Variants in SPOCK1 observed in about 807,000 individuals in gnomAD.
SPOCK1 encodes SPARC (osteonectin), cwcv and kazal like domains proteoglycan 1, also known as testican-1.
In SPOCK1, 23 loss-of-function variants were observed where a neutral mutation model predicts 55.3. That is an observed-to-expected ratio of 0.42 (90% CI 0.30 to 0.59). The LOEUF is 0.59. SPOCK1 is among the 20% of genes least tolerant of loss of function. The pLI is 0.22. For synonymous variants in SPOCK1, 226 were observed against 221.0 expected (o/e 1.02, Z -0.20); for missense variants, 499 against 552.5 (o/e 0.90, Z 0.97).
chr5:137,124,600 T>A (rs1241599648), intron 4 of SPOCK1, among the ~76,000 whole-genome samples: 1 of 152,164 alleles, frequency 6.6e-6, no homozygotes, highest in Non-Finnish European at 1.5e-5. Flanking sequence ...TGAAGAGCCA[T>A]GCAGGCCCTC....
At chr5:137,271,627 C>T (rs1756966010) in intron 2 of SPOCK1, among the ~76,000 whole-genome samples, 1 of 152,048 alleles carries the variant, frequency 6.6e-6, no homozygotes, top group Non-Finnish European at 1.5e-5. Flanking sequence ...ATACCATAGC[C>T]CCAAAATGAC....
chr5:137,138,504 T>TACATAC (rs139399436), intron 4 of SPOCK1, among the ~76,000 whole-genome samples: 1 of 147,606 alleles, frequency 6.8e-6, no homozygotes, highest in Non-Finnish European at 1.5e-5. Context: ...CACACAAACA[T>TACATAC]ACACACACAC....
At chr5:137,097,428 G>A (rs912426073) in intron 5 of SPOCK1, among the ~76,000 whole-genome samples, 1 of 152,154 alleles carries the variant, frequency 6.6e-6, no homozygotes, top group Non-Finnish European at 1.5e-5. Context: ...TTAGAAATTC[G>A]AGCAAAGCCT....
intron 3 of SPOCK1, among the ~76,000 whole-genome samples, chr5:137,264,249 T>C (rs1490823984): frequency 6.6e-6 from 1 of 152,196 alleles, no homozygotes; most frequent in Non-Finnish European, 1.5e-5. Flanking sequence ...TTCCTAATTA[T>C]AGCTGTTGTC....
chr5:137,010,142 T>G (rs1452583627), intron 6 of SPOCK1, among the ~76,000 whole-genome samples: 1 of 151,822 alleles, frequency 6.6e-6, no homozygotes, highest in Non-Finnish European at 1.5e-5. Context: ...TTTTGGACTC[T>G]GAGGTCAGAT....
intron 3 of SPOCK1, among the ~76,000 whole-genome samples, chr5:137,206,765 T>C (rs1021256431): frequency 1.3e-5 from 2 of 152,232 alleles, no homozygotes; most frequent in Non-Finnish European, 2.9e-5. Context: ...TTATTAAGCA[T>C]TATCTATGTT....
At chr5:137,209,184 G>A (rs1755567700) in intron 3 of SPOCK1, among the ~76,000 whole-genome samples, 1 of 152,130 alleles carries the variant, frequency 6.6e-6, no homozygotes, top group Non-Finnish European at 1.5e-5. Context: ...CTTGAATGTG[G>A]CAGCAACAAT....
At chr5:137,407,542 GC>G (rs529635528) in intron 2 of SPOCK1, among the ~76,000 whole-genome samples, 62 of 152,176 alleles carry the variant, frequency 4.1e-4, no homozygotes, top group African/African-American at 1.5e-3. Context: ...CTTAAATCCT[GC>G]CTGAGCCCAT....
intron 2 of SPOCK1, among the ~76,000 whole-genome samples, chr5:137,309,923 A>G (rs1039634318): frequency 1.3e-5 from 2 of 152,206 alleles, no homozygotes; most frequent in East Asian, 1.9e-4. Context: ...CATTCTATAA[A>G]TAGTTGTTAC....
intron 2 of SPOCK1, among the ~76,000 whole-genome samples, chr5:137,452,332 T>C (rs1257852896): frequency 6.6e-6 from 1 of 152,216 alleles, no homozygotes; most frequent in East Asian, 1.9e-4. Context: ...GGCTTGTTGC[T>C]GTACATACTA....
At chr5:137,177,400 AAACAGCCCTTGGC>A (rs1754875687) in intron 3 of SPOCK1, among the ~76,000 whole-genome samples, 1 of 152,122 alleles carries the variant, frequency 6.6e-6, no homozygotes, top group Non-Finnish European at 1.5e-5. Flanking sequence ...TTCACTTAGA[AAACAGCCCTTGGC>A]AACAGCTGGG....
chr5:137,144,859 C>T (rs551533457), intron 3 of SPOCK1, among the ~76,000 whole-genome samples: 1 of 152,304 alleles, frequency 6.6e-6, no homozygotes, highest in East Asian at 1.9e-4. Context: ...TTCAAAGTTT[C>T]CTTGTCATGG....
chr5:137,058,753 T>A (rs1453028758), intron 6 of SPOCK1, among the ~76,000 whole-genome samples: 1 of 152,148 alleles, frequency 6.6e-6, no homozygotes, highest in Non-Finnish European at 1.5e-5. Context: ...AAAGAGGTGG[T>A]TGACGGAGTG....
intron 3 of SPOCK1, among the ~76,000 whole-genome samples, chr5:137,198,924 G>C (rs932387420): frequency 2.6e-5 from 4 of 152,148 alleles, no homozygotes; most frequent in Non-Finnish European, 5.9e-5. Context: ...CTACGTTAAA[G>C]CATTTGCAAA....
chr5:137,149,232 G>A (rs918959328), intron 3 of SPOCK1, among the ~76,000 whole-genome samples: 1 of 152,198 alleles, frequency 6.6e-6, no homozygotes, highest in African/African-American at 2.4e-5. Flanking sequence ...ATGGGGAGAT[G>A]CATGAAGCCC....
chr5:137,158,428 T>G (rs1242744387), intron 3 of SPOCK1, among the ~76,000 whole-genome samples: 1 of 152,220 alleles, frequency 6.6e-6, no homozygotes, highest in Non-Finnish European at 1.5e-5. Flanking sequence ...CTTGGCAATA[T>G]AGCCTCACAC....
At chr5:137,491,584 G>C (rs902909654) in intron 2 of SPOCK1, among the ~76,000 whole-genome samples, 2 of 152,122 alleles carry the variant, frequency 1.3e-5, no homozygotes, top group African/African-American at 4.8e-5. Context: ...ATATACAATG[G>C]TGTATCTTAA....
chr5:137,072,822 G>C (rs1446538501), intron 5 of SPOCK1, among the ~76,000 whole-genome samples: 2 of 152,186 alleles, frequency 1.3e-5, no homozygotes, highest in Non-Finnish European at 2.9e-5. Flanking sequence ...ACTGTTGACA[G>C]TTCACAGTTG....
chr5:137,478,855 AG>A (rs1243873135), intron 2 of SPOCK1, among the ~76,000 whole-genome samples: 1 of 152,030 alleles, frequency 6.6e-6, no homozygotes, highest in Non-Finnish European at 1.5e-5. Context: ...TAAGGAAGAT[AG>A]GGGTAGGGGG....
Sources: gnomAD v4.1 joint callset for allele counts (sites outside exome capture counted in the v4.1 genomes callset) on GRCh38, gnomAD v4.1.1 for gene constraint, MANE v1.5 for transcripts, NCBI Gene and HGNC (gene_info 2026-07-23, HGNC 2026-07-21) for gene names.